PIK3R2: variants seen among roughly 807,000 people sequenced by gnomAD.
The protein encoded by PIK3R2 is phosphatidylinositol 3-kinase regulatory subunit beta.
In PIK3R2, 40 loss-of-function variants were observed where a neutral mutation model predicts 78.5. The ratio of observed to expected loss-of-function variants is 0.51; its 90% confidence interval spans 0.40 to 0.66. The LOEUF (loss-of-function observed/expected upper bound fraction) is 0.66, where lower values mean the gene tolerates loss of function less well. Ranked by LOEUF, PIK3R2 falls within the 30% of genes least tolerant of loss-of-function variation. PIK3R2 has a pLI of 0.00. For synonymous variants in PIK3R2, 473 were observed against 457.7 expected (o/e 1.03, Z -0.43); for missense variants, 880 against 1,026.6 (o/e 0.86, Z 1.95).
intron 2 of PIK3R2, among the ~76,000 whole-genome samples, chr19:18,158,013 C>G (rs1306812686): frequency 6.6e-6 from 1 of 152,210 alleles, no homozygotes; most frequent in Non-Finnish European, 1.5e-5. Context: ...GGGGTTTCAG[C>G]TTTTCCAAAA....
At position 18,169,713 on chromosome 19, in the gene PIK3R2, A is replaced by G. The variant is rs532365226; in HGVS notation, c.*419A>G. ...GCGCGGCCCCAGCCTGGGCACCCTG[A>G]TTTTTAAGCCATAGACCTGGGGTCA... On this transcript the variant is annotated 3_prime_UTR_variant, in exon 16 of 16. Coordinates refer to ENST00000222254, the MANE Select transcript of PIK3R2 (RefSeq NM_005027.4). The G allele has an allele frequency of 2.8e-4, 60 of 210,684 alleles. No homozygotes were observed. Among genetic ancestry groups the G allele is most frequent in the African/African-American group, 1.2e-3 (54 of 43,978 alleles). 13.1% of individuals were successfully genotyped at this position (210,684 alleles called of 1,614,324 possible).
At chr19:18,166,756 T>C (rs1426097585) in intron 12 of PIK3R2, among the ~76,000 whole-genome samples, 1 of 150,102 alleles carries the variant, frequency 6.7e-6, no homozygotes, top group Non-Finnish European at 1.5e-5. Context: ...AATAGGAGTT[T>C]GCTAGAAAGA....
chr19:18,161,726 T>G lies in PIK3R2; in HGVS notation c.815+231T>G, dbSNP rs2043749301. Among the ~76,000 whole-genome samples, 1 of 152,204 alleles carries G rather than the reference T, an allele frequency of 6.6e-6. No individual in the cohort carries two copies. Among genetic ancestry groups the G allele is most frequent in the Non-Finnish European group, 1.5e-5 (1 of 68,020 alleles). On this transcript the variant is annotated intron_variant, in intron 6 of 15. Transcript: ENST00000222254. The surrounding 1 kb of genome is among the most constrained non-coding windows in gnomAD (Gnocchi z 5.3). ...TGGGTGGTGCCTGCACCTTCCCTTC[T>G]GCTCGTCGCAGCTCCGGTACTGGTC...
At chr19:18,157,248 G>A (rs1386815819) in intron 2 of PIK3R2, among the ~76,000 whole-genome samples, 1 of 152,208 alleles carries the variant, frequency 6.6e-6, no homozygotes, top group Non-Finnish European at 1.5e-5. Flanking sequence ...CCTGCGTCCT[G>A]CCTCGGCCTG....
rs547597604 is a variant in PIK3R2 at position 18,166,438 on chromosome 19, C to T, written c.1559+136C>T. 40 of 724,886 alleles carry T rather than the reference C, an allele frequency of 5.5e-5. No homozygotes were observed. The South Asian group carries it at 5.8e-4, about 10-fold the overall frequency. The allele number at this position is 724,886 out of a possible 1,614,324, so 44.9% of individuals were successfully genotyped here. ...GTTGAAATGGACTTTGGGCCTGGTG[C>T]GATGGCTCAGGCCTGTAATCCCAGC... is the stretch of plus-strand genomic sequence containing the variant. On this transcript the variant is annotated intron_variant, in intron 12 of 15. Transcript: ENST00000222254.
Position 18,168,804 on chromosome 19 carries a change from C to T in PIK3R2, c.1887C>T (p.Arg629=). ...CTTGGTACGTGGGCAAGATCAACCGCACGCAGGCAGAGGAGATGCTGAGTG... is the reference window on the plus strand; with the variant it reads ...CTTGGTACGTGGGCAAGATCAACCGTACGCAGGCAGAGGAGATGCTGAGTG... ...ERTWYVGKIN[R]TQAEEMLSGK... The change falls in exon 15 of 16, where the codon CGC becomes CGT. Residue 629 remains arginine, a synonymous_variant. Transcript: ENST00000222254. The surrounding 1 kb of genome is among the most constrained non-coding windows in gnomAD (Gnocchi z 4.1). 2 of 1,613,950 alleles carry T rather than the reference C, an allele frequency of 1.2e-6. No homozygotes were observed. Among genetic ancestry groups the T allele is most frequent in the East Asian group, 2.2e-5 (1 of 44,878 alleles).
rs1185993898 is a variant in PIK3R2, at chr19:18,166,308, T to G, written c.1559+6T>G. On this transcript the variant is annotated splice_donor_region_variant and intron_variant, in intron 12 of 15. Coordinates refer to ENST00000222254, the MANE Select transcript of PIK3R2 (RefSeq NM_005027.4). ...AACGAGAAAGAGATGCAAAGGTGAG[T>G]CTGGCGCCTCTGCCCTGCCCCACCC... 6.2e-7 allele frequency: 1 copy of G among 1,612,094 alleles called. No individual in the cohort carries two copies. The highest frequency in any genetic ancestry group is 8.5e-7 in the Non-Finnish European group (1 of 1,178,686).
intron 11 of PIK3R2, among the ~76,000 whole-genome samples, chr19:18,164,486 A>G (rs2043786309): frequency 6.6e-6 from 1 of 152,158 alleles, no homozygotes; most frequent in Non-Finnish European, 1.5e-5. Context: ...TTAAAAAAAT[A>G]AAATAAAAAT....
At position 18,161,315 on chromosome 19, in the gene PIK3R2, C is replaced by T. The variant is rs1476246965; in HGVS notation, c.635C>T (p.Pro212Leu). The change falls in exon 6 of 16, where the codon CCG (proline) becomes CTG (leucine). Residue 212 changes from proline to leucine, a missense_variant. Physicochemically the swap from Pro to Leu is moderately conservative, Grantham distance 98 (BLOSUM62 -3). Coordinates refer to ENST00000222254, the MANE Select transcript of PIK3R2 (RefSeq NM_005027.4). This position sits in a 1 kb window ranked among gnomAD's most constrained non-coding sequence, Gnocchi z 5.3. ...AGPVGPALEP[P>L]TLPLHRALTL... ...CCCGTGGGGCCGGCGCTGGAGCCAC[C>T]GACGCTGCCGCTGCACCGCGCGCTC... is the stretch of plus-strand genomic sequence containing the variant. The T allele has an allele frequency of 2.2e-6, 3 of 1,352,780 alleles. No individual in the cohort carries two copies. Among genetic ancestry groups the T allele is most frequent in the African/African-American group, 1.5e-5 (1 of 64,574 alleles). 83.8% of individuals were successfully genotyped at this position (1,352,780 alleles called of 1,614,324 possible). A position where few individuals can be genotyped will look rare whatever the true frequency, so the allele number is the denominator to read the frequency against.
Position 18,161,835 on chromosome 19 carries a change from C to A in PIK3R2, c.816-131C>A. On this transcript the variant is annotated intron_variant, in intron 6 of 15. Coordinates refer to ENST00000222254, the MANE Select transcript of PIK3R2 (RefSeq NM_005027.4). This position sits in a 1 kb window ranked among gnomAD's most constrained non-coding sequence, Gnocchi z 5.3. ...GCTGGCCTCGCACATGTGCCTGTAT[C>A]ATCTCCTCCTCCGCCCTGCACATAC... is the stretch of plus-strand genomic sequence containing the variant. 1 of 709,734 alleles carries A rather than the reference C, an allele frequency of 1.4e-6. No individual in the cohort carries two copies. Among genetic ancestry groups the A allele is most frequent in the Non-Finnish European group, 2.4e-6 (1 of 410,848 alleles). The allele number at this position is 709,734 out of a possible 1,614,324, so 44.0% of individuals were successfully genotyped here.
At chr19:18,160,243 A>T (rs991962434) in intron 2 of PIK3R2, among the ~76,000 whole-genome samples, 5 of 151,896 alleles carry the variant, frequency 3.3e-5, no homozygotes, top group African/African-American at 1.2e-4. Context: ...AGTTGTGTGA[A>T]CTCCTCATAT....
intron 11 of PIK3R2, among the ~76,000 whole-genome samples, chr19:18,163,864 C>T (rs536115400): frequency 4.9e-4 from 74 of 151,012 alleles, no homozygotes; most frequent in Non-Finnish European, 9.4e-4. Flanking sequence ...GGGTGGCTCA[C>T]GCCTGTAATC....
Position 18,169,992 on chromosome 19 carries a change from T to C in PIK3R2, c.*698T>C, listed in dbSNP as rs1236381035. 5.6e-6 allele frequency: 1 copy of C among 177,946 alleles called. No individual in the cohort carries two copies. The allele number at this position is 177,946 out of a possible 1,614,324, so 11.0% of individuals were successfully genotyped here. A position where few individuals can be genotyped will look rare whatever the true frequency, so the allele number is the denominator to read the frequency against. ...GGGAGGCCAAGACGGGCGGATCTTTTGAGGTCGGGAGTTGGAGGCCAGCCT... is the reference window on the plus strand; with the variant it reads ...GGGAGGCCAAGACGGGCGGATCTTTCGAGGTCGGGAGTTGGAGGCCAGCCT... On this transcript the variant is annotated 3_prime_UTR_variant, in exon 16 of 16. Transcript: ENST00000222254.
At chr19:18,160,433 A>T in intron 2 of PIK3R2, 38 bp from the exon 3 acceptor site, 1 of 1,219,550 alleles carries the variant, frequency 8.2e-7, no homozygotes, top group African/African-American at 1.5e-5. Flanking sequence ...CCTTCCAGGA[A>T]CCCCACCAAC....
chr19:18,168,035 G>A lies in PIK3R2; in HGVS notation c.1737-440G>A, dbSNP rs1435381929. 1.3e-5 allele frequency among the ~76,000 whole-genome samples: 2 copies of A among 152,138 alleles called. No homozygotes were observed. The highest frequency in any genetic ancestry group is 2.9e-5 in the Non-Finnish European group (2 of 68,022). On this transcript the variant is annotated intron_variant, in intron 13 of 15. Coordinates refer to ENST00000222254, the MANE Select transcript of PIK3R2 (RefSeq NM_005027.4). This position sits in a 1 kb window ranked among gnomAD's most constrained non-coding sequence, Gnocchi z 4.1. ...CTTGGGCCTCAGGGAGGGCACTGTC[G>A]CGTGCCAGGTGCTGTGCTAAGCACC...
At position 18,153,214 on chromosome 19, in the gene PIK3R2, C is replaced by G. The variant is rs1324964816; in HGVS notation, c.-504C>G. On this transcript the variant is annotated 5_prime_UTR_variant, in exon 1 of 16. Transcript: ENST00000222254. Reference sequence around the variant, plus strand: ...GGAGGCGGGGATCCCGCGGCTGCGGCGACGGTGGCCGCGGTGGAGCCACGG... The same window carrying G: ...GGAGGCGGGGATCCCGCGGCTGCGGGGACGGTGGCCGCGGTGGAGCCACGG... The G allele has an allele frequency of 6.5e-6, 1 of 154,592 alleles. No homozygotes were observed. The highest frequency in any genetic ancestry group is 1.8e-4 in the South Asian group (1 of 5,684). 9.6% of individuals were successfully genotyped at this position (154,592 alleles called of 1,614,324 possible).
rs1454655299 is a variant in PIK3R2 at position 18,167,248 on chromosome 19, A to C, written c.1678A>C (p.Met560Leu). The C allele has an allele frequency of 6.2e-7, 1 of 1,612,638 alleles. No individual in the cohort carries two copies. The change falls in exon 13 of 16, where the codon ATG becomes CTG. Residue 560 changes from methionine to leucine, a missense_variant. Met to Leu is a conservative substitution (Grantham distance 15). This residue lies in a region of PIK3R2 where 268 missense variants were observed against 299.1 expected (regional missense o/e 0.90). Coordinates refer to ENST00000222254, the MANE Select transcript of PIK3R2 (RefSeq NM_005027.4). This position sits in a 1 kb window ranked among gnomAD's most constrained non-coding sequence, Gnocchi z 4.5. ...GGACAACAGAGAGATCGACAAGCGC[A>C]TGAACAGCCTCAAGCCGGACCTCAT... Reference protein sequence around the residue: ...ASDNREIDKRMNSLKPDLMQL... With the variant: ...ASDNREIDKRLNSLKPDLMQL...
Position 18,161,574 on chromosome 19 carries a change from C to T in PIK3R2, c.815+79C>T, listed in dbSNP as rs1382337480. 2 of 500,942 alleles carry T rather than the reference C, an allele frequency of 4.0e-6. No individual in the cohort carries two copies. Among genetic ancestry groups the T allele is most frequent in the East Asian group, 4.0e-5 (1 of 24,890 alleles). 31.0% of individuals were successfully genotyped at this position (500,942 alleles called of 1,614,324 possible). On this transcript the variant is annotated intron_variant, in intron 6 of 15. Transcript: ENST00000222254. This position sits in a 1 kb window ranked among gnomAD's most constrained non-coding sequence, Gnocchi z 5.3. ...GGCGGGGCATGGCCAGAGTGAGCGG[C>T]GTCTAGACCCTAAGAAGGGAGGGGA...
Position 18,169,356 on chromosome 19 carries a change from G to A in PIK3R2, c.*62G>A. 2 of 1,039,876 alleles carry A rather than the reference G, an allele frequency of 1.9e-6. No individual in the cohort carries two copies. Among genetic ancestry groups the A allele is most frequent in the Non-Finnish European group, 1.2e-6 (1 of 808,896 alleles). The allele number at this position is 1,039,876 out of a possible 1,614,324, so 64.4% of individuals were successfully genotyped here. ...GCCCGTCTGCGCCGGAGGCTGCGGC[G>A]GCGGGAGCCACGGACCAGACCAGCC... On this transcript the variant is annotated 3_prime_UTR_variant, in exon 16 of 16. Transcript: ENST00000222254.
Sources: allele counts gnomAD v4.1 joint callset (sites outside exome capture counted in the v4.1 genomes callset), GRCh38; gene constraint gnomAD v4.1.1; regional missense constraint gnomAD v4.1.1; non-coding constraint Gnocchi (gnomAD v3.1); transcripts MANE v1.5; gene names NCBI Gene and HGNC (gene_info 2026-07-23, HGNC 2026-07-21).